Variants in TM4SF18 observed in about 807,000 individuals in gnomAD.
The protein encoded by TM4SF18 is transmembrane 4 L six family member 18.
In TM4SF18, 22 loss-of-function variants were observed where a neutral mutation model predicts 23.8. The ratio of observed to expected loss-of-function variants is 0.92; its 90% confidence interval spans 0.66 to 1.32. The LOEUF (loss-of-function observed/expected upper bound fraction) is 1.32, where lower values mean the gene tolerates loss of function less well. Among genes scored for constraint, TM4SF18 ranks in the 40% most tolerant of loss-of-function variants. The pLI is 0.00. For synonymous variants in TM4SF18, 87 were observed against 87.9 expected (o/e 0.99, Z 0.06); for missense variants, 255 against 240.3 (o/e 1.06, Z -0.41).
intron 5 of TM4SF18, among the ~76,000 whole-genome samples, chr3:149,321,789 T>C (rs1421129471): frequency 6.6e-6 from 1 of 152,194 alleles, no homozygotes; most frequent in Non-Finnish European, 1.5e-5. Context: ...ATGGGATAAA[T>C]ACATATTTCC....
chr3:149,321,315 A>G lies in TM4SF18; in HGVS notation c.*163T>C, dbSNP rs1418042348. The G allele has an allele frequency of 2.2e-6, 1 of 457,212 alleles. No individual in the cohort carries two copies. The highest frequency in any genetic ancestry group is 2.0e-5 in the African/African-American group (1 of 49,920). 28.3% of individuals were successfully genotyped at this position (457,212 alleles called of 1,614,324 possible). ...TTACTTAAAAAACATACTAAATGGA[A>G]GGGTGGTATACTTGCATGTGCAGTG... On this transcript the variant is annotated 3_prime_UTR_variant, in exon 6 of 6. Transcript: ENST00000296059.
rs552849203 is a variant in TM4SF18, at chr3:149,318,934, T to C, written c.*2544A>G. On this transcript the variant is annotated 3_prime_UTR_variant, in exon 6 of 6. Transcript: ENST00000296059. ...TTTTTACTTTGAATTCACGAGGATA[T>C]AAAACACATATTCAGCTTTTTTTGT... 1 of 152,368 alleles carries C rather than the reference T, an allele frequency of 6.6e-6. No individual in the cohort carries two copies. Among genetic ancestry groups the C allele is most frequent in the East Asian group, 1.9e-4 (1 of 5,196 alleles). The allele number at this position is 152,368 out of a possible 1,614,324, so 9.4% of individuals were successfully genotyped here.
At chr3:149,324,734 G>T in intron 4 of TM4SF18, 146 bp downstream of exon 4, 1 of 999,476 alleles carries the variant, frequency 1.0e-6, no homozygotes, top group Non-Finnish European at 1.5e-6. Context: ...AAATTGGTCT[G>T]GATATTAGTA....
At chr3:149,322,905 C>CTTTTTTTTTTTTTTT (rs34338382) in intron 4 of TM4SF18, among the ~76,000 whole-genome samples, 4 of 128,760 alleles carry the variant, frequency 3.1e-5, no homozygotes, top group Non-Finnish European at 3.4e-5. Context: ...GGCCTCCAGA[C>CTTTTTTTTTTTTTTT]TTTTTTTTTT....
In TM4SF18 at chr3:149,333,547, A is replaced by C; in HGVS notation, c.-52T>G. 4.3e-6 allele frequency: 2 copies of C among 464,098 alleles called. No homozygotes were observed. The highest frequency in any genetic ancestry group is 3.5e-6 in the Non-Finnish European group (1 of 285,364). The allele number at this position is 464,098 out of a possible 1,614,324, so 28.7% of individuals were successfully genotyped here. On this transcript the variant is annotated 5_prime_UTR_variant, in exon 1 of 6. It removes an upstream start codon present in the reference 5' UTR. Transcript: ENST00000296059. The stretch of plus-strand genomic sequence containing the variant: ...GGTCAGAGCCCTTCACTTCATATTC[A>C]TGAGGAGACGGGGAATTGGAATATA...
chr3:149,326,459 T>C (rs1196941433), intron 3 of TM4SF18, among the ~76,000 whole-genome samples: 1 of 152,222 alleles, frequency 6.6e-6, no homozygotes, highest in East Asian at 1.9e-4. Context: ...TACATTTTCC[T>C]CTTGGCAATT....
At chr3:149,324,766 C>T (rs998431960) in intron 4 of TM4SF18, 114 bp downstream of exon 4, 7 of 1,387,474 alleles carry the variant, frequency 5.0e-6, no homozygotes, top group Non-Finnish European at 7.0e-6. Context: ...AAATTCTGCA[C>T]TAAAACAGCC....
rs187555627 is a variant in TM4SF18, at chr3:149,322,394, A to C, written c.453T>G (p.Pro151=). ...DSSIWIQCLE[P]AHVVEWNIIL... ...TGATGTTCCACTCCACAACATGTGC[A>C]GGTTCCAGGCACTGAATCCATATGC... The change falls in exon 5 of 6, where the codon CCT becomes CCG. Residue 151 remains proline (P), a synonymous_variant. Coordinates refer to ENST00000296059, the MANE Select transcript of TM4SF18 (RefSeq NM_138786.4). 4.6e-4 allele frequency: 738 copies of C among 1,614,134 alleles called. 2 individuals carry two copies. The East Asian group carries it at 0.015, about 32-fold the overall frequency.
rs370608915 is a variant in TM4SF18, at chr3:149,322,350, A to T, written c.497T>A (p.Ile166Lys). The change falls in exon 5 of 6, where the codon ATA (isoleucine) becomes AAA (lysine). Residue 166 changes from isoleucine to lysine, a missense_variant. Physicochemically the swap from Ile to Lys is moderately radical, Grantham distance 102 (BLOSUM62 -3). Coordinates refer to ENST00000296059, the MANE Select transcript of TM4SF18 (RefSeq NM_138786.4). ...GATCACTTGAAGCCCACTGAGGGTT[A>T]TGAGAATGGAAAATAAAATGATGTT... Reference protein sequence around the residue: ...EWNIILFSILITLSGLQVIIC... With the variant: ...EWNIILFSILKTLSGLQVIIC... 10 of 1,613,972 alleles carry T rather than the reference A, an allele frequency of 6.2e-6. No homozygotes were observed. In the African/African-American group the frequency reaches 1.2e-4, roughly 19 times the overall value.
Position 149,327,054 on chromosome 3 carries a change from AT to A in TM4SF18, c.268-2033del, listed in dbSNP as rs1730965610. Among the ~76,000 whole-genome samples, 3 of 152,204 alleles carry A rather than the reference AT, an allele frequency of 2.0e-5. No homozygotes were observed. In the South Asian group the frequency reaches 6.2e-4, roughly 32 times the overall value. On this transcript the variant is annotated intron_variant, in intron 3 of 5. Transcript: ENST00000296059. ...AACCTCCACCTCCTGGGTTCAAACG[AT>A]TCTCCTGCCTCAGCCTCCTGAGTAG... is the stretch of plus-strand genomic sequence containing the variant.
chr3:149,329,218 A>T (rs1010937633), intron 3 of TM4SF18, among the ~76,000 whole-genome samples: 1 of 151,490 alleles, frequency 6.6e-6, no homozygotes. Context: ...TAAATTTTCA[A>T]TTCTTCTCCA....
At chr3:149,330,304 A>G (rs750544441) in intron 3 of TM4SF18, 26 bp downstream of exon 3, 1 of 1,541,654 alleles carries the variant, frequency 6.5e-7, no homozygotes, top group Non-Finnish European at 8.9e-7. Context: ...CCACTCAACC[A>G]TCCTCAAAAA....
At chr3:149,321,783 G>C (rs950179758) in intron 5 of TM4SF18, among the ~76,000 whole-genome samples, 1 of 152,116 alleles carries the variant, frequency 6.6e-6, no homozygotes, top group Non-Finnish European at 1.5e-5. Context: ...GTTTCAATGG[G>C]ATAAATACAT....
intron 2 of TM4SF18, among the ~76,000 whole-genome samples, chr3:149,332,648 T>C (rs1731109743): frequency 6.6e-6 from 1 of 152,220 alleles, no homozygotes; most frequent in African/African-American, 2.4e-5. Context: ...CTGGGCACTT[T>C]ATATATATTT....
chr3:149,330,845 A>G (rs1011271419), intron 2 of TM4SF18, among the ~76,000 whole-genome samples: 1 of 152,144 alleles, frequency 6.6e-6, no homozygotes, highest in Non-Finnish European at 1.5e-5. Context: ...CTCTTCATTT[A>G]CTGTCCTCTG....
intron 3 of TM4SF18, among the ~76,000 whole-genome samples, chr3:149,328,521 T>A (rs1286723880): frequency 6.6e-6 from 1 of 152,220 alleles, no homozygotes; most frequent in African/African-American, 2.4e-5. Flanking sequence ...AGTTACAAAC[T>A]GATGCAGATT....
intron 3 of TM4SF18, among the ~76,000 whole-genome samples, chr3:149,325,389 C>CT (rs1730920082): frequency 6.6e-6 from 1 of 152,092 alleles, no homozygotes; most frequent in Non-Finnish European, 1.5e-5. Context: ...AGTGGGTTCT[C>CT]TAAGAATTAT....
At chr3:149,333,482 C>CTATTTTT (rs4048749) in intron 1 of TM4SF18, 31 bp downstream of exon 1, 42 of 237,588 alleles carry the variant, frequency 1.8e-4, no homozygotes, top group Middle Eastern at 1.1e-3. Context: ...CTCTCTCTCT[C>CTATTTTT]TTTTTTTTTT....
intron 4 of TM4SF18, among the ~76,000 whole-genome samples, 195 bp from the exon 5 acceptor site, chr3:149,322,631 T>A (rs1036647394): frequency 3.3e-5 from 5 of 152,242 alleles, no homozygotes; most frequent in Admixed American, 6.5e-5. Flanking sequence ...TAGTGTGTTA[T>A]AAATGTTGTG....
Sources: gnomAD v4.1 joint callset for allele counts (sites outside exome capture counted in the v4.1 genomes callset) on GRCh38, gnomAD v4.1.1 for gene constraint, MANE v1.5 for transcripts, NCBI Gene and HGNC (gene_info 2026-07-23, HGNC 2026-07-21) for gene names.